MEIOC: variants seen among roughly 807,000 people sequenced by gnomAD.
MEIOC encodes meiosis-specific coiled-coil domain-containing protein MEIOC.
A neutral mutation model predicts 85.3 loss-of-function variants in MEIOC; 9 were observed. That is an observed-to-expected ratio of 0.11 (90% CI 0.06 to 0.18). The LOEUF (loss-of-function observed/expected upper bound fraction) is 0.18, where lower values mean the gene tolerates loss of function less well. Ranked by LOEUF, MEIOC falls within the 10% of genes least tolerant of loss-of-function variation. The probability of loss-of-function intolerance (pLI) is 1.00; values close to 1 mark genes in which losing one functional copy is unlikely to be tolerated. For synonymous variants in MEIOC, 365 were observed against 393.7 expected (o/e 0.93, Z 0.86); for missense variants, 898 against 1,129.4 (o/e 0.80, Z 2.94).
At chr17:44,662,543 C>T in intron 3 of MEIOC, 72 bp downstream of exon 3, 3 of 1,053,698 alleles carry the variant, frequency 2.8e-6, no homozygotes, top group Non-Finnish European at 2.7e-6. Context: ...AGGTTATTTG[C>T]TCTCTGTTCC....
At chr17:44,658,206 G>A (rs1227666729) in intron 2 of MEIOC, among the ~76,000 whole-genome samples, 2 of 147,950 alleles carry the variant, frequency 1.4e-5, no homozygotes, top group Admixed American at 6.8e-5. Context: ...CCAGGCTGGA[G>A]TGCAGTGACG....
intron 6 of MEIOC, among the ~76,000 whole-genome samples, chr17:44,672,883 GTAT>G (rs1354499942): frequency 2.6e-5 from 4 of 152,138 alleles, no homozygotes; most frequent in African/African-American, 9.7e-5. Context: ...TCACTAGTCA[GTAT>G]TACTATCTGA....
chr17:44,665,622 A>C, intron 4 of MEIOC, 134 bp downstream of exon 4: 2 of 401,694 alleles, frequency 5.0e-6, no homozygotes, highest in East Asian at 7.9e-5. Context: ...ATATTGTTTC[A>C]AGGAGACTTG....
chr17:44,659,865 A>C (rs868790568), intron 2 of MEIOC, among the ~76,000 whole-genome samples: 27 of 152,368 alleles, frequency 1.8e-4, no homozygotes, highest in Non-Finnish European at 2.9e-4. Flanking sequence ...GCTAACCAAC[A>C]AATTCTGGAA....
rs367775822 is a variant in MEIOC at position 44,667,204 on chromosome 17, C to T, written c.1293C>T (p.Pro431=). 43 of 1,613,750 alleles carry T rather than the reference C, an allele frequency of 2.7e-5. 1 individual carries two copies. The highest frequency in any genetic ancestry group is 2.3e-4 in the African/African-American group (17 of 74,908). The change falls in exon 5 of 8, where the codon CCC becomes CCT. Residue 431 remains proline, a synonymous_variant. Coordinates refer to ENST00000409122, the MANE Select transcript of MEIOC (RefSeq NM_001145080.3). ...GACTAAAACCTCACACAGCTTGTCCCGCTAATGATTTTGCTAACGTCACAG... is the reference window on the plus strand; with the variant it reads ...GACTAAAACCTCACACAGCTTGTCCTGCTAATGATTTTGCTAACGTCACAG... The part of the protein sequence containing the change: ...EYGLKPHTAC[P]ANDFANVTEK...
chr17:44,673,256 T>A, intron 6 of MEIOC, 110 bp from the exon 7 acceptor site: 1 of 760,630 alleles, frequency 1.3e-6, no homozygotes, highest in Non-Finnish European at 2.0e-6. Context: ...TTCTTTGATT[T>A]ATTGAATGAA....
chr17:44,667,338 C>T lies in MEIOC; in HGVS notation c.1427C>T (p.Pro476Leu), dbSNP rs775202541. 50 of 1,613,632 alleles carry T rather than the reference C, an allele frequency of 3.1e-5. 1 individual carries two copies. The South Asian group carries it at 5.3e-4, about 17-fold the overall frequency. Residue 476 changes from proline (P) to leucine (L), a missense_variant, in exon 5 of 8, where the codon CCA (proline) becomes CTA (leucine). This residue lies in a region of MEIOC where 734 missense variants were observed against 860.1 expected (regional missense o/e 0.85). Transcript: ENST00000409122. ...TCAGGAGGTATCAATTTAAACAGACCAACTTGGATGAATGTTCAAACAAAA... is the reference window on the plus strand; with the variant it reads ...TCAGGAGGTATCAATTTAAACAGACTAACTTGGATGAATGTTCAAACAAAA... ...TSSGGINLNR[P>L]TWMNVQTKNN... is the part of the protein sequence containing the mutation.
chr17:44,662,231 G>A (rs1199453746), intron 2 of MEIOC, 86 bp from the exon 3 acceptor site: 1 of 1,033,040 alleles, frequency 9.7e-7, no homozygotes, highest in African/African-American at 1.6e-5. Context: ...TCTTACATCT[G>A]TGTTATTTCC....
At position 44,656,586 on chromosome 17, in the gene MEIOC, T is replaced by C; in HGVS notation, c.-28T>C. The C allele has an allele frequency of 6.9e-7, 1 of 1,439,520 alleles. No individual in the cohort carries two copies. Among genetic ancestry groups the C allele is most frequent in the Admixed American group, 2.9e-5 (1 of 34,990 alleles). The allele number at this position is 1,439,520 out of a possible 1,614,324, so 89.2% of individuals were successfully genotyped here. On this transcript the variant is annotated 5_prime_UTR_variant, in exon 1 of 8. Coordinates refer to ENST00000409122, the MANE Select transcript of MEIOC (RefSeq NM_001145080.3). Reference sequence around the variant, plus strand: ...ACCCCCGTACCCCAGGAGCTGTGCCTAGTCCAGGAGAGGCTGGGGGGCGCC... The same window carrying C: ...ACCCCCGTACCCCAGGAGCTGTGCCCAGTCCAGGAGAGGCTGGGGGGCGCC...
At chr17:44,665,944 G>A (rs1010729041) in intron 4 of MEIOC, among the ~76,000 whole-genome samples, 1 of 152,114 alleles carries the variant, frequency 6.6e-6, no homozygotes, top group African/African-American at 2.4e-5. Context: ...AGGGAAGTAT[G>A]TAGCACACAT....
At chr17:44,663,308 C>T (rs866846596) in intron 3 of MEIOC, among the ~76,000 whole-genome samples, 16 of 85,906 alleles carry the variant, frequency 1.9e-4, no homozygotes, top group South Asian at 7.7e-4. Context: ...ATGATGATGA[C>T]GATAACTAGG....
At chr17:44,660,275 C>G (rs1301158275) in intron 2 of MEIOC, among the ~76,000 whole-genome samples, 1 of 151,940 alleles carries the variant, frequency 6.6e-6, no homozygotes, top group Non-Finnish European at 1.5e-5. Context: ...GAGTCTCCCT[C>G]TGTTGCCCAG....
At chr17:44,673,778 G>A (rs1342163658) in intron 7 of MEIOC, 198 bp from the exon 8 acceptor site, 1 of 748,414 alleles carries the variant, frequency 1.3e-6, no homozygotes, top group Non-Finnish European at 2.1e-6. Flanking sequence ...AGTCACTATT[G>A]TACAAGTCAG....
At position 44,667,028 on chromosome 17, in the gene MEIOC, C is replaced by A; in HGVS notation, c.1117C>A (p.Gln373Lys). The stretch of plus-strand genomic sequence containing the variant: ...AGCAGACACCTACACAAAGTTATTT[C>A]AGGTTAAGCCAGCGAATCAGAAAAA... ...VEADTYTKLF[Q>K]VKPANQKKME... is the part of the protein sequence containing the mutation. Residue 373 changes from glutamine to lysine, a missense_variant, in exon 5 of 8, where the codon CAG becomes AAG. Coordinates refer to ENST00000409122, the MANE Select transcript of MEIOC (RefSeq NM_001145080.3). The A allele has an allele frequency of 3.7e-6, 6 of 1,613,704 alleles. No homozygotes were observed. Among genetic ancestry groups the A allele is most frequent in the South Asian group, 1.1e-5 (1 of 91,048 alleles).
intron 2 of MEIOC, among the ~76,000 whole-genome samples, chr17:44,658,528 C>T (rs1227057218): frequency 6.6e-6 from 1 of 151,590 alleles, no homozygotes; most frequent in Non-Finnish European, 1.5e-5. Context: ...GGCGCCATGG[C>T]TCGTGCCTGT....
chr17:44,668,633 C>T (rs960187766), intron 5 of MEIOC, among the ~76,000 whole-genome samples: 3 of 152,192 alleles, frequency 2.0e-5, no homozygotes, highest in African/African-American at 7.2e-5. Context: ...ACCCGGCTAA[C>T]TTGCCTTATT....
intron 2 of MEIOC, 117 bp downstream of exon 2, chr17:44,657,378 C>CTTTTTTTTTTTTTTTTTTTTTTTTTTT (rs35032511): frequency 3.6e-6 from 1 of 274,204 alleles, no homozygotes; most frequent in Non-Finnish European, 6.0e-6. Flanking sequence ...CCAGGGAAAA[C>CTTTTTTTTTTTTTTTTTTTTTTTTTTT]TTTTTTTTTT....
chr17:44,673,449 G>A lies in MEIOC; in HGVS notation c.2541G>A (p.Leu847=). 1.3e-6 allele frequency: 2 copies of A among 1,550,582 alleles called. No individual in the cohort carries two copies. Among genetic ancestry groups the A allele is most frequent in the Admixed American group, 2.0e-5 (1 of 50,944 alleles). Residue 847 remains leucine (L), a synonymous_variant, in exon 7 of 8, where the codon TTG becomes TTA. Coordinates refer to ENST00000409122, the MANE Select transcript of MEIOC (RefSeq NM_001145080.3). ...ASISTALDRH[L]ESIHIVQSRR... ...TCTCTACTGCTCTTGATAGACACTT[G>A]GAGTCTATTCACATTGTACAGTCAC...
At chr17:44,657,642 C>A in intron 2 of MEIOC, among the ~76,000 whole-genome samples, 1 of 151,824 alleles carries the variant, frequency 6.6e-6, no homozygotes, top group East Asian at 1.9e-4. Context: ...CAACCTCTGC[C>A]TCCGGGGCTC....
Sources: allele counts gnomAD v4.1 joint callset (sites outside exome capture counted in the v4.1 genomes callset), GRCh38; gene constraint gnomAD v4.1.1; regional missense constraint gnomAD v4.1.1; transcripts MANE v1.5; gene names NCBI Gene and HGNC (gene_info 2026-07-23, HGNC 2026-07-21).